Variants in PPP1R9A observed in about 807,000 individuals in gnomAD.
The protein encoded by PPP1R9A is protein phosphatase 1 regulatory subunit 9A.
In PPP1R9A, 59 loss-of-function variants were observed where a neutral mutation model predicts 141.9. That is an observed-to-expected ratio of 0.42 (90% CI 0.34 to 0.52). The LOEUF (loss-of-function observed/expected upper bound fraction) is 0.52. Among genes scored for constraint, PPP1R9A ranks in the 20% least tolerant of loss-of-function variants. PPP1R9A has a pLI of 0.10. For missense variants in PPP1R9A, 1,444 were observed against 1,611.9 expected (o/e 0.90, Z 1.78); for synonymous variants, 500 against 569.7 (o/e 0.88, Z 1.74).
intron 2 of PPP1R9A, among the ~76,000 whole-genome samples, chr7:95,001,152 C>T (rs948626377): frequency 6.6e-6 from 1 of 152,102 alleles, no homozygotes; most frequent in Non-Finnish European, 1.5e-5. Context: ...TCACATGTCT[C>T]TGGGGACCTG....
chr7:95,261,690 A>G (rs1056538362), intron 12 of PPP1R9A, among the ~76,000 whole-genome samples: 1 of 152,204 alleles, frequency 6.6e-6, no homozygotes, highest in African/African-American at 2.4e-5. Flanking sequence ...ACTTTATTAC[A>G]AACTATTTCC....
chr7:95,085,119 A>G (rs979556037), intron 2 of PPP1R9A, among the ~76,000 whole-genome samples: 2 of 151,962 alleles, frequency 1.3e-5, no homozygotes, highest in African/African-American at 4.8e-5. Flanking sequence ...TTTAATTTAT[A>G]TTGCCTATTA....
chr7:95,210,048 G>C (rs1457518800), intron 7 of PPP1R9A, among the ~76,000 whole-genome samples: 1 of 152,140 alleles, frequency 6.6e-6, no homozygotes. Flanking sequence ...ACTTTGGTCT[G>C]TCGACCGTTT....
At chr7:94,984,853 G>T (rs1429692238) in intron 2 of PPP1R9A, among the ~76,000 whole-genome samples, 1 of 151,992 alleles carries the variant, frequency 6.6e-6, no homozygotes, top group African/African-American at 2.4e-5. Flanking sequence ...TCTGATCTTA[G>T]TTATTTCTTG....
chr7:95,279,472 C>T (rs536652286), intron 16 of PPP1R9A, among the ~76,000 whole-genome samples: 5 of 152,278 alleles, frequency 3.3e-5, no homozygotes, highest in East Asian at 3.9e-4. Flanking sequence ...CCTAGTAGAT[C>T]GGACTTATTC....
intron 2 of PPP1R9A, among the ~76,000 whole-genome samples, chr7:94,991,859 C>G (rs772634559): frequency 1.1e-4 from 16 of 152,086 alleles, no homozygotes; most frequent in African/African-American, 3.1e-4. Flanking sequence ...GCCATGTTGC[C>G]CCTGCTGTTC....
intron 4 of PPP1R9A, among the ~76,000 whole-genome samples, chr7:95,138,569 A>G (rs1584902779): frequency 6.6e-6 from 1 of 152,222 alleles, no homozygotes; most frequent in Admixed American, 6.5e-5. Context: ...AAACACAGTT[A>G]AGAACTGAAA....
chr7:94,982,139 A>G (rs1171863837), intron 2 of PPP1R9A, among the ~76,000 whole-genome samples: 3 of 152,070 alleles, frequency 2.0e-5, no homozygotes, highest in Admixed American at 1.3e-4. Context: ...CCATGTCCCT[A>G]CAAAGGACAT....
At chr7:95,202,645 T>C (rs747519238) in intron 6 of PPP1R9A, 23 of 885,216 alleles carry the variant, frequency 2.6e-5, no homozygotes, top group Non-Finnish European at 3.1e-5. Flanking sequence ...TATGATAAAT[T>C]TTTCAACTAG....
intron 4 of PPP1R9A, among the ~76,000 whole-genome samples, chr7:95,160,212 G>T: frequency 6.6e-6 from 1 of 152,070 alleles, no homozygotes; most frequent in East Asian, 1.9e-4. Flanking sequence ...GTATACAGAT[G>T]CACATGAATG....
intron 5 of PPP1R9A, among the ~76,000 whole-genome samples, chr7:95,187,784 T>A (rs531692902): frequency 1.3e-5 from 2 of 152,312 alleles, no homozygotes; most frequent in Non-Finnish European, 2.9e-5. Context: ...AGGACCAGAT[T>A]ATTTTATTTG....
At chr7:94,923,301 A>C (rs1431712067) in intron 2 of PPP1R9A, among the ~76,000 whole-genome samples, 2 of 152,322 alleles carry the variant, frequency 1.3e-5, no homozygotes, top group Non-Finnish European at 2.9e-5. Flanking sequence ...ATTTGAAGTG[A>C]AACATATTTT....
intron 8 of PPP1R9A, among the ~76,000 whole-genome samples, chr7:95,242,690 T>C (rs1487861857): frequency 1.3e-5 from 2 of 152,204 alleles, no homozygotes; most frequent in Admixed American, 1.3e-4. Context: ...GCTGAAATCC[T>C]GAGGTGCATA....
chr7:95,269,472 AC>A lies in PPP1R9A; in HGVS notation c.3091del (p.Gln1031LysfsTer20), dbSNP rs1801820502. Reference protein sequence around the residue: ...DHDVEESPCHHQTTNKKILRE... With the variant: ...DHDVEESPCHXQTTNKKILRE... ...GATGTGGAAGAATCTCCTTGCCATC[AC>A]CAAACCACCAACAAGAAAATATTAC... is the stretch of plus-strand genomic sequence containing the variant. On this transcript the variant is annotated frameshift_variant, in exon 14 of 20. Transcript: ENST00000433360. LOFTEE classifies it high-confidence loss of function. 6.3e-7 allele frequency: 1 copy of A among 1,582,530 alleles called. No homozygotes were observed. Among genetic ancestry groups the A allele is most frequent in the African/African-American group, 1.3e-5 (1 of 74,324 alleles).
At chr7:94,971,661 G>A (rs1481264273) in intron 2 of PPP1R9A, among the ~76,000 whole-genome samples, 1 of 152,142 alleles carries the variant, frequency 6.6e-6, no homozygotes, top group Non-Finnish European at 1.5e-5. Flanking sequence ...TCTTTATATA[G>A]GAGTGTTTGC....
intron 9 of PPP1R9A, among the ~76,000 whole-genome samples, chr7:95,248,293 A>T (rs1023404600): frequency 8.0e-6 from 1 of 125,598 alleles, no homozygotes; most frequent in African/African-American, 3.1e-5. Flanking sequence ...CACCACCACC[A>T]CTACCACTAA....
chr7:94,928,327 A>G (rs971683385), intron 2 of PPP1R9A, among the ~76,000 whole-genome samples: 20 of 152,232 alleles, frequency 1.3e-4, no homozygotes, highest in African/African-American at 4.6e-4. Context: ...AATGAAATGC[A>G]AACTATGGGG....
chr7:95,244,645 G>T (rs1212523421), intron 8 of PPP1R9A, among the ~76,000 whole-genome samples: 2 of 152,146 alleles, frequency 1.3e-5, no homozygotes, highest in Non-Finnish European at 2.9e-5. Flanking sequence ...GTTCACTGTG[G>T]AATCTGCCCT....
chr7:95,198,339 C>T lies in PPP1R9A; in HGVS notation c.1755-10C>T. On this transcript the variant is annotated splice_polypyrimidine_tract_variant and intron_variant, in intron 5 of 19. Coordinates refer to ENST00000433360, the MANE Select transcript of PPP1R9A (RefSeq NM_001166160.2). ...GTCTTAAATATTAGTCTTTGTTAAC[C>T]TTTCCACAGATTTGTTATTGGGCGG... The T allele has an allele frequency of 6.3e-7, 1 of 1,593,440 alleles. No homozygotes were observed. The highest frequency in any genetic ancestry group is 2.2e-5 in the East Asian group (1 of 44,654).
Sources: allele counts gnomAD v4.1 joint callset (sites outside exome capture counted in the v4.1 genomes callset), GRCh38; gene constraint gnomAD v4.1.1; transcripts MANE v1.5; gene names NCBI Gene and HGNC (gene_info 2026-07-23, HGNC 2026-07-21).